STT3B: variants seen among roughly 807,000 people sequenced by gnomAD.
The protein encoded by STT3B is STT3 oligosaccharyltransferase complex catalytic subunit B.
Under a neutral mutation model 96.8 loss-of-function variants are expected in STT3B, and 29 were observed. That is an observed-to-expected ratio of 0.30 (90% CI 0.22 to 0.41). The LOEUF (loss-of-function observed/expected upper bound fraction) is 0.41, where lower values mean the gene tolerates loss of function less well. Among genes scored for constraint, STT3B ranks in the 10% least tolerant of loss-of-function variants. The pLI is 1.00. For synonymous variants in STT3B, 367 were observed against 360.0 expected (o/e 1.02, Z -0.22); for missense variants, 640 against 1,022.3 (o/e 0.63, Z 5.10).
chr3:31,541,206 A>G (rs772323446), intron 1 of STT3B, among the ~76,000 whole-genome samples: 5 of 152,340 alleles, frequency 3.3e-5, no homozygotes, highest in Middle Eastern at 3.4e-3. Flanking sequence ...ATGATGAAGT[A>G]TGACGCATCC....
chr3:31,557,908 G>A lies in STT3B; in HGVS notation c.315-18488G>A, dbSNP rs527735756. ...GCCTCCCAAAGTGTTGGGATTACAG[G>A]CGTGAGCCACTGTATTTTTTATATC... On this transcript the variant is annotated intron_variant, in intron 1 of 15. Transcript: ENST00000295770. Among the ~76,000 whole-genome samples the A allele has an allele frequency of 2.6e-5, 4 of 152,342 alleles. No homozygotes were observed. In the South Asian group the frequency reaches 8.3e-4, roughly 32 times the overall value.
rs1004867295 is a variant in STT3B at position 31,592,854 on chromosome 3, A to G, written c.712-3944A>G. Among the ~76,000 whole-genome samples, 3 of 152,218 alleles carry G rather than the reference A, an allele frequency of 2.0e-5. No homozygotes were observed. In the East Asian group the frequency reaches 5.8e-4, roughly 29 times the overall value. On this transcript the variant is annotated intron_variant, in intron 3 of 15. Coordinates refer to ENST00000295770, the MANE Select transcript of STT3B (RefSeq NM_178862.3). ...GTTTCCAAAGTGGGGAAAAGCAGAAAAATGAAGGGGAAAAAAGTGCCAGCC... is the reference window on the plus strand; with the variant it reads ...GTTTCCAAAGTGGGGAAAAGCAGAAGAATGAAGGGGAAAAAAGTGCCAGCC...
chr3:31,576,504 T>C lies in STT3B; in HGVS notation c.423T>C (p.Thr141=). The C allele has an allele frequency of 6.7e-7, 1 of 1,486,076 alleles. No individual in the cohort carries two copies. The highest frequency in any genetic ancestry group is 9.2e-7 in the Non-Finnish European group (1 of 1,081,958). 92.1% of individuals were successfully genotyped at this position (1,486,076 alleles called of 1,614,324 possible). A position where few individuals can be genotyped will look rare whatever the true frequency, so the allele number is the denominator to read the frequency against. ...CACTAGGAAGAATAGTAGGTGGTAC[T>C]GTAAGTATATTAGCAGTTCTTTATG... ...WYPLGRIVGG[T]VYPGLMITAG... Residue 141 remains threonine, a splice_region_variant and synonymous_variant, in exon 2 of 16, where the codon ACT becomes ACC. Coordinates refer to ENST00000295770, the MANE Select transcript of STT3B (RefSeq NM_178862.3).
chr3:31,557,102 T>C (rs572342138), intron 1 of STT3B, among the ~76,000 whole-genome samples: 1 of 152,172 alleles, frequency 6.6e-6, no homozygotes, highest in Non-Finnish European at 1.5e-5. Flanking sequence ...TTTCTACATA[T>C]CGATATCCAA....
chr3:31,605,861 A>G (rs1168326205), intron 5 of STT3B, among the ~76,000 whole-genome samples: 9 of 152,220 alleles, frequency 5.9e-5, no homozygotes. Context: ...AAAATGTGGG[A>G]AAGTTTGGAA....
At chr3:31,629,266 C>A (rs1010149013) in intron 13 of STT3B, 32 bp from the exon 14 acceptor site, 1 of 1,194,042 alleles carries the variant, frequency 8.4e-7, no homozygotes, top group Non-Finnish European at 1.2e-6. Context: ...TTAACTTGAA[C>A]TAACATAGAA....
chr3:31,541,728 G>A (rs990718746), intron 1 of STT3B, among the ~76,000 whole-genome samples: 4 of 151,888 alleles, frequency 2.6e-5, no homozygotes, highest in Non-Finnish European at 4.4e-5. Flanking sequence ...AGGCGCCCGC[G>A]ACCATGCCCG....
chr3:31,606,055 A>G (rs1020020221), intron 5 of STT3B, among the ~76,000 whole-genome samples: 1 of 152,218 alleles, frequency 6.6e-6, no homozygotes, highest in Non-Finnish European at 1.5e-5. Context: ...AGATTTGTGG[A>G]ACTTTGAAAT....
rs1699478426 is a variant in STT3B, at chr3:31,623,856, T to C, written c.1722T>C (p.His574=). Residue 574 remains histidine (H), a synonymous_variant, in exon 11 of 16, where the codon CAT becomes CAC. Transcript: ENST00000295770. The part of the protein sequence containing the change: ...SPSVVLASYN[H]DGTRNILDDF... Reference sequence around the variant, plus strand: ...GTGTAGTCCTGGCCTCATACAATCATGATGGGTAAGAAAATAACTCGGATA... The same window carrying C: ...GTGTAGTCCTGGCCTCATACAATCACGATGGGTAAGAAAATAACTCGGATA... 5.0e-6 allele frequency: 8 copies of C among 1,589,922 alleles called. No individual in the cohort carries two copies. The South Asian group carries it at 9.1e-5, about 18-fold the overall frequency.
intron 5 of STT3B, among the ~76,000 whole-genome samples, chr3:31,606,174 G>A (rs1273332139): frequency 6.6e-6 from 1 of 152,188 alleles, no homozygotes; most frequent in African/African-American, 2.4e-5. Flanking sequence ...AAGGGAAACA[G>A]AGCATAAAAG....
chr3:31,621,379 G>T (rs546399080), intron 9 of STT3B, among the ~76,000 whole-genome samples: 3 of 152,246 alleles, frequency 2.0e-5, no homozygotes, highest in African/African-American at 7.2e-5. Context: ...AGTTACACAG[G>T]TGTGTATATA....
intron 1 of STT3B, among the ~76,000 whole-genome samples, chr3:31,536,346 A>G (rs2125432398): frequency 6.6e-6 from 1 of 152,350 alleles, no homozygotes; most frequent in Admixed American, 6.5e-5. Context: ...ATCATATAGC[A>G]ATGGCACAGA....
At chr3:31,616,383 G>GT (rs1699307794) in intron 6 of STT3B, among the ~76,000 whole-genome samples, 1 of 151,842 alleles carries the variant, frequency 6.6e-6, no homozygotes, top group African/African-American at 2.4e-5. Flanking sequence ...AGACTTCCCA[G>GT]TTTCTGCTGG....
At chr3:31,574,239 A>C (rs1189468317) in intron 1 of STT3B, among the ~76,000 whole-genome samples, 1 of 152,068 alleles carries the variant, frequency 6.6e-6, no homozygotes, top group African/African-American at 2.4e-5. Flanking sequence ...TTGTGTGGTG[A>C]ATCTCTTAGT....
At chr3:31,560,906 C>G (rs1463966130) in intron 1 of STT3B, among the ~76,000 whole-genome samples, 1 of 151,996 alleles carries the variant, frequency 6.6e-6, no homozygotes, top group Non-Finnish European at 1.5e-5. Context: ...TGTTCACTTT[C>G]TGTTGTCTTT....
chr3:31,605,500 T>C (rs1230820561), intron 5 of STT3B, among the ~76,000 whole-genome samples: 1 of 109,640 alleles, frequency 9.1e-6, no homozygotes, highest in African/African-American at 2.5e-5. Flanking sequence ...GTTCTCATGG[T>C]GGTGAGTAAG....
intron 15 of STT3B, among the ~76,000 whole-genome samples, chr3:31,634,301 A>G (rs373154214): frequency 6.6e-6 from 1 of 152,232 alleles, no homozygotes; most frequent in African/African-American, 2.4e-5. Context: ...ATATCCAAGT[A>G]TAACTAAGGT....
chr3:31,575,885 G>A (rs1309541390), intron 1 of STT3B, among the ~76,000 whole-genome samples: 1 of 151,648 alleles, frequency 6.6e-6, no homozygotes, highest in Non-Finnish European at 1.5e-5. Context: ...TTGGGCCCTG[G>A]TTTCTTCAAT....
At chr3:31,612,709 T>TATCGGG (rs2125470446) in intron 5 of STT3B, among the ~76,000 whole-genome samples, 1 of 152,300 alleles carries the variant, frequency 6.6e-6, no homozygotes, top group African/African-American at 2.4e-5. Flanking sequence ...TTGAGAGTAT[T>TATCGGG]ATCGGGTCTC....
Sources: gnomAD v4.1 joint callset for allele counts (sites outside exome capture counted in the v4.1 genomes callset) on GRCh38, gnomAD v4.1.1 for gene constraint, MANE v1.5 for transcripts, NCBI Gene and HGNC (gene_info 2026-07-23, HGNC 2026-07-21) for gene names.